Variants in MIEN1 observed in about 807,000 individuals in gnomAD.
The protein encoded by MIEN1 is HBV X-transactivated gene 4 protein.
MIEN1 carries 12 observed loss-of-function variants against 15.5 expected under a neutral mutation model. The observed-to-expected ratio is 0.78, with a 90% CI of 0.50 to 1.26. The LOEUF (loss-of-function observed/expected upper bound fraction) is 1.26. Ranked by LOEUF, MIEN1 falls within the 50% of genes most tolerant of loss-of-function variation. The pLI is 0.00. For missense variants in MIEN1, 160 were observed against 151.7 expected, an observed-to-expected ratio of 1.05 and a Z score of -0.29; for synonymous variants, 63 against 62.8, an observed-to-expected ratio of 1.00 and a Z score of -0.02.
At position 39,730,446 on chromosome 17, in the gene MIEN1, A is replaced by G; in HGVS notation, c.50T>C (p.Val17Ala). The G allele has an allele frequency of 6.5e-7, 1 of 1,548,396 alleles. No homozygotes were observed. The highest frequency in any genetic ancestry group is 8.7e-7 in the Non-Finnish European group (1 of 1,148,124). ...GATGCGGACCCCACTGCCCGGCTCGACCTCCTCGGGAGGGGGCGCTACGGA... is the reference window on the plus strand; with the variant it reads ...GATGCGGACCCCACTGCCCGGCTCGGCCTCCTCGGGAGGGGGCGCTACGGA... ...QTSVAPPPEE[V>A]EPGSGVRIVV... is the part of the protein sequence containing the mutation. The change falls in exon 1 of 4, where the codon GTC becomes GCC. Residue 17 changes from valine to alanine, a missense_variant. By Grantham distance (64) the Val-to-Ala change is moderately conservative. Coordinates refer to ENST00000394231, the MANE Select transcript of MIEN1 (RefSeq NM_032339.5).
In MIEN1 at chr17:39,729,684, C is replaced by T; in HGVS notation, c.264+1G>A. The T allele has an allele frequency of 1.2e-6, 2 of 1,614,222 alleles. No homozygotes were observed. The highest frequency in any genetic ancestry group is 1.1e-5 in the South Asian group (1 of 91,090). ...GTCCTCCCAACGCTGTAAATACTCA[C>T]ATCTTTCTCATAGGGAAAGCCCCCA... On this transcript the variant is annotated splice_donor_variant, in intron 3 of 3. Coordinates refer to ENST00000394231, the MANE Select transcript of MIEN1 (RefSeq NM_032339.5). LOFTEE classifies it high-confidence loss of function.
chr17:39,730,504 G>C lies in MIEN1; in HGVS notation c.-9C>G. The C allele has an allele frequency of 6.5e-7, 1 of 1,529,518 alleles. No individual in the cohort carries two copies. Among genetic ancestry groups the C allele is most frequent in the Non-Finnish European group, 8.7e-7 (1 of 1,143,362 alleles). The allele number at this position is 1,529,518 out of a possible 1,614,324, so 94.7% of individuals were successfully genotyped here. A position where few individuals can be genotyped will look rare whatever the true frequency, so the allele number is the denominator to read the frequency against. ...CCCGGCTCCCCGCTCATCGCGGCCG[G>C]CTCCGCTCGGGCCCCTGCTTCCGGG... is the stretch of plus-strand genomic sequence containing the variant. On this transcript the variant is annotated 5_prime_UTR_variant, in exon 1 of 4. Coordinates refer to ENST00000394231, the MANE Select transcript of MIEN1 (RefSeq NM_032339.5).
At chr17:39,729,924 T>C in intron 2 of MIEN1, 163 bp from the exon 3 acceptor site, 1 of 903,470 alleles carries the variant, frequency 1.1e-6, no homozygotes, top group South Asian at 1.6e-5. Context: ...CCAGGGAACC[T>C]GAGGGAGGCC....
chr17:39,728,672 CTA>C lies in MIEN1; in HGVS notation c.*848_*849del, dbSNP rs2059905868. On this transcript the variant is annotated 3_prime_UTR_variant, in exon 4 of 4. Transcript: ENST00000394231. ...TTTTGGAAAACAGCTAGGCACCGGC[CTA>C]TGTCTGGGGGTGGCTCTGTGCCATC... 4.3e-6 allele frequency: 1 copy of C among 231,398 alleles called. No homozygotes were observed. 14.3% of individuals were successfully genotyped at this position (231,398 alleles called of 1,614,324 possible).
In MIEN1 at chr17:39,729,133, A is replaced by AT. The variant is rs2059916522; in HGVS notation, c.*388dup. On this transcript the variant is annotated 3_prime_UTR_variant, in exon 4 of 4. Coordinates refer to ENST00000394231, the MANE Select transcript of MIEN1 (RefSeq NM_032339.5). ...CCCCCCACATTCCCAGACTGGACGTATAAAAACACACACTAGTTAGCATTA... is the reference window on the plus strand; with the variant it reads ...CCCCCCACATTCCCAGACTGGACGTATTAAAAACACACACTAGTTAGCATTA... The AT allele has an allele frequency of 4.4e-6, 1 of 226,308 alleles. No individual in the cohort carries two copies. The highest frequency in any genetic ancestry group is 8.9e-6 in the Non-Finnish European group (1 of 112,600). 14.0% of individuals were successfully genotyped at this position (226,308 alleles called of 1,614,324 possible).
Position 39,729,113 on chromosome 17 carries a change from C to T in MIEN1, c.*409G>A, listed in dbSNP as rs1447488755. On this transcript the variant is annotated 3_prime_UTR_variant, in exon 4 of 4. Transcript: ENST00000394231. ...GGGCTGACCGGACTTCTGTGCCCCC[C>T]ACATTCCCAGACTGGACGTATAAAA... 4.8e-6 allele frequency: 1 copy of T among 206,220 alleles called. No homozygotes were observed. Among genetic ancestry groups the T allele is most frequent in the East Asian group, 1.1e-4 (1 of 8,864 alleles). 12.8% of individuals were successfully genotyped at this position (206,220 alleles called of 1,614,324 possible).
In MIEN1 at chr17:39,729,742, T is replaced by C; in HGVS notation, c.207A>G (p.Ile69Met). 1 of 1,614,114 alleles carries C rather than the reference T, an allele frequency of 6.2e-7. No homozygotes were observed. Among genetic ancestry groups the C allele is most frequent in the Middle Eastern group, 1.6e-4 (1 of 6,062 alleles). Residue 69 changes from isoleucine to methionine, a missense_variant, in exon 3 of 4, where the codon ATA (isoleucine) becomes ATG (methionine). Ile to Met is a conservative substitution (Grantham distance 10). Coordinates refer to ENST00000394231, the MANE Select transcript of MIEN1 (RefSeq NM_032339.5). ...LGGTGAFEIE[I>M]NGQLVFSKLE... is the part of the protein sequence containing the mutation. ...GCTTGGAGAACACCAGCTGTCCATT[T>C]ATCTCTATCTCAAAGGCACCTGGTA...
In MIEN1 at chr17:39,730,474, T is replaced by C. The variant is rs938761982; in HGVS notation, c.22A>G (p.Thr8Ala). 20 of 1,539,718 alleles carry C rather than the reference T, an allele frequency of 1.3e-5. No homozygotes were observed. The Admixed American group carries it at 3.6e-4, about 27-fold the overall frequency. ...TCCTCGGGAGGGGGCGCTACGGACG[T>C]CTGCCCCGGCTCCCCGCTCATCGCG... MSGEPGQ[T>A]SVAPPPEEVE... Residue 8 changes from threonine to alanine, a missense_variant, in exon 1 of 4, where the codon ACG becomes GCG. By Grantham distance (58) the Thr-to-Ala change is moderately conservative. Coordinates refer to ENST00000394231, the MANE Select transcript of MIEN1 (RefSeq NM_032339.5).
rs1219160492 is a variant in MIEN1 at position 39,729,707 on chromosome 17, C to T, written c.242G>A (p.Gly81Glu). Reference sequence around the variant, plus strand: ...CACATCTTTCTCATAGGGAAAGCCCCCATTCTCCAGCTTGGAGAACACCAG... The same window carrying T: ...CACATCTTTCTCATAGGGAAAGCCCTCATTCTCCAGCTTGGAGAACACCAG... ...GQLVFSKLEN[G>E]GFPYEKDLIE... The change falls in exon 3 of 4, where the codon GGG becomes GAG. Residue 81 changes from glycine to glutamate, a missense_variant. Physicochemically the swap from Gly to Glu is moderately conservative, Grantham distance 98. Coordinates refer to ENST00000394231, the MANE Select transcript of MIEN1 (RefSeq NM_032339.5). The T allele has an allele frequency of 1.2e-6, 2 of 1,614,020 alleles. No individual in the cohort carries two copies. Among genetic ancestry groups the T allele is most frequent in the Non-Finnish European group, 1.7e-6 (2 of 1,180,002 alleles).
intron 2 of MIEN1, 114 bp from the exon 3 acceptor site, chr17:39,729,875 T>C: frequency 7.4e-7 from 1 of 1,353,242 alleles, no homozygotes; most frequent in South Asian, 1.3e-5. Flanking sequence ...GGAGACCCAT[T>C]TGTAGCTCCT....
Position 39,729,728 on chromosome 17 carries a change from A to G in MIEN1, c.221T>C (p.Val74Ala). ...AFEIEINGQL[V>A]FSKLENGGFP... Reference sequence around the variant, plus strand: ...GCCCCCATTCTCCAGCTTGGAGAACACCAGCTGTCCATTTATCTCTATCTC... The same window carrying G: ...GCCCCCATTCTCCAGCTTGGAGAACGCCAGCTGTCCATTTATCTCTATCTC... The change falls in exon 3 of 4, where the codon GTG becomes GCG. Residue 74 changes from valine (V) to alanine (A), a missense_variant. Val to Ala is a moderately conservative substitution (Grantham distance 64). Transcript: ENST00000394231. The G allele has an allele frequency of 6.2e-7, 1 of 1,614,078 alleles. No homozygotes were observed. The highest frequency in any genetic ancestry group is 1.3e-5 in the African/African-American group (1 of 75,020).
chr17:39,729,986 CCT>C (rs1324095724), intron 2 of MIEN1: 2 of 696,882 alleles, frequency 2.9e-6, no homozygotes, highest in Non-Finnish European at 4.8e-6. Context: ...CCCCTCCAAC[CCT>C]ACACGATTGC....
chr17:39,730,521 G>A lies in MIEN1; in HGVS notation c.-26C>T, dbSNP rs780705360. ...CGCGGCCGGCTCCGCTCGGGCCCCT[G>A]CTTCCGGGTGTGACGCGAACCGCGG... On this transcript the variant is annotated 5_prime_UTR_variant, in exon 1 of 4. Transcript: ENST00000394231. The A allele has an allele frequency of 5.3e-6, 8 of 1,518,566 alleles. No homozygotes were observed. The highest frequency in any genetic ancestry group is 7.0e-6 in the Non-Finnish European group (8 of 1,140,512). 94.1% of individuals were successfully genotyped at this position (1,518,566 alleles called of 1,614,324 possible). A position where few individuals can be genotyped will look rare whatever the true frequency, so the allele number is the denominator to read the frequency against.
rs1168959121 is a variant in MIEN1, at chr17:39,729,422, A to G, written c.*100T>C. The G allele has an allele frequency of 1.5e-5, 22 of 1,468,070 alleles. No individual in the cohort carries two copies. The highest frequency in any genetic ancestry group is 2.0e-5 in the Non-Finnish European group (21 of 1,063,032). The allele number at this position is 1,468,070 out of a possible 1,614,324, so 90.9% of individuals were successfully genotyped here. ...GGAGGCCAGGGTCTCTTTGCTAAGG[A>G]GCTAAGTAGGGGAAAGAGGCAGGGG... is the stretch of plus-strand genomic sequence containing the variant. On this transcript the variant is annotated 3_prime_UTR_variant, in exon 4 of 4. Transcript: ENST00000394231.
chr17:39,729,162 T>A lies in MIEN1; in HGVS notation c.*360A>T, dbSNP rs1241853467. ...AAACACACACTAGTTAGCATTAGTG[T>A]TTGTAGCGCCACTTTACTGCCAATA... On this transcript the variant is annotated 3_prime_UTR_variant, in exon 4 of 4. Transcript: ENST00000394231. The A allele has an allele frequency of 1.7e-5, 5 of 298,486 alleles. No homozygotes were observed. In the East Asian group the frequency reaches 3.5e-4, roughly 21 times the overall value. The allele number at this position is 298,486 out of a possible 1,614,324, so 18.5% of individuals were successfully genotyped here.
Position 39,729,518 on chromosome 17 carries a change from G to A in MIEN1, c.*4C>T. The A allele has an allele frequency of 6.2e-7, 1 of 1,613,498 alleles. No homozygotes were observed. Among genetic ancestry groups the A allele is most frequent in the Non-Finnish European group, 8.5e-7 (1 of 1,180,024 alleles). Reference sequence around the variant, plus strand: ...ACAGAGCAGGAACCCAGAGTCCTGTGCAGTCACAGGATGACGCAGGGAGGA... The same window carrying A: ...ACAGAGCAGGAACCCAGAGTCCTGTACAGTCACAGGATGACGCAGGGAGGA... On this transcript the variant is annotated 3_prime_UTR_variant, in exon 4 of 4. Transcript: ENST00000394231.
chr17:39,729,255 G>T lies in MIEN1; in HGVS notation c.*267C>A, dbSNP rs914872168. 5.6e-6 allele frequency: 3 copies of T among 534,006 alleles called. No individual in the cohort carries two copies. In the East Asian group the frequency reaches 9.3e-5, roughly 16 times the overall value. The allele number at this position is 534,006 out of a possible 1,614,324, so 33.1% of individuals were successfully genotyped here. ...GGCATCAGACAGGTATTACCGAGGC[G>T]AAGAGTGGACTGGGCTTTCGTGGGC... On this transcript the variant is annotated 3_prime_UTR_variant, in exon 4 of 4. Transcript: ENST00000394231.
rs2059920973 is a variant in MIEN1 at position 39,729,515 on chromosome 17, T to G, written c.*7A>C. The G allele has an allele frequency of 6.2e-7, 1 of 1,613,350 alleles. No homozygotes were observed. The highest frequency in any genetic ancestry group is 1.3e-5 in the African/African-American group (1 of 74,898). On this transcript the variant is annotated 3_prime_UTR_variant, in exon 4 of 4. Coordinates refer to ENST00000394231, the MANE Select transcript of MIEN1 (RefSeq NM_032339.5). Reference sequence around the variant, plus strand: ...AGAACAGAGCAGGAACCCAGAGTCCTGTGCAGTCACAGGATGACGCAGGGA... The same window carrying G: ...AGAACAGAGCAGGAACCCAGAGTCCGGTGCAGTCACAGGATGACGCAGGGA...
chr17:39,728,778 G>A lies in MIEN1; in HGVS notation c.*744C>T, dbSNP rs2059908053. The A allele has an allele frequency of 4.7e-6, 1 of 212,616 alleles. No individual in the cohort carries two copies. Among genetic ancestry groups the A allele is most frequent in the Non-Finnish European group, 9.5e-6 (1 of 105,152 alleles). 13.2% of individuals were successfully genotyped at this position (212,616 alleles called of 1,614,324 possible). A position where few individuals can be genotyped will look rare whatever the true frequency, so the allele number is the denominator to read the frequency against. ...AATCTTCAGAAAGCTTGGATGAGGA[G>A]CCAGACATCCAGTTCTCCAGCTTCA... On this transcript the variant is annotated 3_prime_UTR_variant, in exon 4 of 4. Coordinates refer to ENST00000394231, the MANE Select transcript of MIEN1 (RefSeq NM_032339.5).
Sources: gnomAD v4.1 joint callset for allele counts on GRCh38, gnomAD v4.1.1 for gene constraint, MANE v1.5 for transcripts, NCBI Gene and HGNC (gene_info 2026-07-23, HGNC 2026-07-21) for gene names.